POGLUT3: variants seen among roughly 807,000 people sequenced by gnomAD.
The protein encoded by POGLUT3 is protein O-glucosyltransferase 3.
POGLUT3 carries 48 observed loss-of-function variants against 54.3 expected under a neutral mutation model. The observed-to-expected ratio is 0.88, with a 90% CI of 0.70 to 1.12. The LOEUF is 1.12. POGLUT3 is among the 50% of genes most tolerant of loss of function. POGLUT3 has a pLI of 0.00. For synonymous variants in POGLUT3, 218 were observed against 237.4 expected (o/e 0.92, Z 0.75); for missense variants, 629 against 618.7 (o/e 1.02, Z -0.18).
rs1385121469 is a variant in POGLUT3, at chr11:108,477,674, CCTT to C, written c.1328_1330del (p.Glu443del). On this transcript the variant is annotated inframe_deletion, in exon 7 of 8. Coordinates refer to ENST00000323468, the MANE Select transcript of POGLUT3 (RefSeq NM_153705.5). ...TAGTAGGTCCCTAGCCATCAACTGT[CCTT>C]CTTTTGCAATCTTCTTGGCTTCTTC... 7 of 1,613,254 alleles carry C rather than the reference CCTT, an allele frequency of 4.3e-6. No homozygotes were observed. In the Admixed American group the frequency reaches 8.3e-5, roughly 19 times the overall value.
chr11:108,494,167 A>G (rs565522099), intron 1 of POGLUT3, among the ~76,000 whole-genome samples: 1 of 152,350 alleles, frequency 6.6e-6, no homozygotes, highest in African/African-American at 2.4e-5. Flanking sequence ...TCACATACAT[A>G]ATGAGCAGCA....
In POGLUT3 at chr11:108,477,648, G is replaced by A. The variant is rs2093584679; in HGVS notation, c.1357C>T (p.Gln453Ter). The A allele has an allele frequency of 6.2e-7, 1 of 1,612,946 alleles. No homozygotes were observed. Among genetic ancestry groups the A allele is most frequent in the African/African-American group, 1.3e-5 (1 of 74,874 alleles). Residue 453 changes from glutamine (Q) to a stop codon, truncating the protein, a stop_gained, in exon 7 of 8, where the codon CAG becomes TAG. Transcript: ENST00000323468. LOFTEE classifies it high-confidence loss of function. ...EGQLMARDLLQPHRLYCYYYQ... is the reference protein window; with the variant it reads ...EGQLMARDLL ...TAGTAGCAGTAAAGCCTGTGTGGCT[G>A]TAGTAGGTCCCTAGCCATCAACTGT...
chr11:108,484,279 T>A (rs2093598536), intron 3 of POGLUT3, among the ~76,000 whole-genome samples: 1 of 152,142 alleles, frequency 6.6e-6, no homozygotes. Context: ...CAGGGCACAG[T>A]TGACTAGTTG....
chr11:108,482,287 A>G, intron 3 of POGLUT3, 65 bp from the exon 4 acceptor site: 1 of 1,182,044 alleles, frequency 8.5e-7, no homozygotes, highest in Non-Finnish European at 1.2e-6. Context: ...TAAGTACAAC[A>G]GTTCTTTGGT....
chr11:108,477,882 C>T, intron 6 of POGLUT3, 171 bp from the exon 7 acceptor site: 1 of 606,682 alleles, frequency 1.6e-6, no homozygotes, highest in East Asian at 2.8e-5. Flanking sequence ...GACATGGTGG[C>T]TCACACCTGT....
Position 108,474,740 on chromosome 11 carries a change from C to T in POGLUT3, c.*87G>A. The T allele has an allele frequency of 6.8e-7, 1 of 1,471,318 alleles. No homozygotes were observed. Among genetic ancestry groups the T allele is most frequent in the South Asian group, 1.3e-5 (1 of 77,938 alleles). The allele number at this position is 1,471,318 out of a possible 1,614,324, so 91.1% of individuals were successfully genotyped here. On this transcript the variant is annotated 3_prime_UTR_variant, in exon 8 of 8. Coordinates refer to ENST00000323468, the MANE Select transcript of POGLUT3 (RefSeq NM_153705.5). ...ACCGGGAGAACTAGTCCACTTGGTG[C>T]AGTCTTCTATACTGTCCTTCACAGC...
chr11:108,478,603 C>A (rs1399298245), intron 6 of POGLUT3, among the ~76,000 whole-genome samples: 4 of 152,188 alleles, frequency 2.6e-5, no homozygotes, highest in Non-Finnish European at 5.9e-5. Flanking sequence ...CAGAAATAGT[C>A]AGCGTTCCTA....
In POGLUT3 at chr11:108,481,298, T is replaced by TA. The variant is rs2093591904; in HGVS notation, c.979_980insT (p.Gln327LeufsTer37). On this transcript the variant is annotated frameshift_variant, in exon 5 of 8. Coordinates refer to ENST00000323468, the MANE Select transcript of POGLUT3 (RefSeq NM_153705.5). LOFTEE classifies it high-confidence loss of function. ...TAGCTGAGGATTTTCTTTGGACAGCTGTACCAACTGGAGCCTCTCCTCTCG... is the reference window on the plus strand; with the variant it reads ...TAGCTGAGGATTTTCTTTGGACAGCTAGTACCAACTGGAGCCTCTCCTCTCG... The TA allele has an allele frequency of 4.3e-6, 7 of 1,613,352 alleles. No individual in the cohort carries two copies. Among genetic ancestry groups the TA allele is most frequent in the Non-Finnish European group, 5.9e-6 (7 of 1,179,672 alleles).
In POGLUT3 at chr11:108,482,087, G is replaced by T; in HGVS notation, c.820C>A (p.Pro274Thr). The part of the protein sequence containing the change: ...GSLDSRDVVL[P>T]TYDITHSMLE... ...ATGGAGTGGGTGATGTCATACGTTGGAAGGACAACATCTCTTGAATCCAGA... is the reference window on the plus strand; with the variant it reads ...ATGGAGTGGGTGATGTCATACGTTGTAAGGACAACATCTCTTGAATCCAGA... The change falls in exon 4 of 8, where the codon CCA becomes ACA. Residue 274 changes from proline to threonine, a missense_variant. Physicochemically the swap from Pro to Thr is conservative, Grantham distance 38 (BLOSUM62 -1). Transcript: ENST00000323468. 6.2e-7 allele frequency: 1 copy of T among 1,614,132 alleles called. No individual in the cohort carries two copies. The highest frequency in any genetic ancestry group is 8.5e-7 in the Non-Finnish European group (1 of 1,180,014).
At chr11:108,477,402 A>C (rs978350348) in intron 7 of POGLUT3, among the ~76,000 whole-genome samples, 1 of 152,130 alleles carries the variant, frequency 6.6e-6, no homozygotes, top group Non-Finnish European at 1.5e-5. Flanking sequence ...TCATCTCAAA[A>C]CAAACAAACA....
chr11:108,482,473 G>C (rs2093594719), intron 3 of POGLUT3, among the ~76,000 whole-genome samples: 1 of 152,132 alleles, frequency 6.6e-6, no homozygotes, highest in Non-Finnish European at 1.5e-5. Context: ...AGTGTTTGAG[G>C]CTGGGCGTGG....
intron 1 of POGLUT3, among the ~76,000 whole-genome samples, chr11:108,497,666 G>C (rs984913723): frequency 4.6e-5 from 7 of 152,194 alleles, no homozygotes; most frequent in Non-Finnish European, 1.0e-4. Flanking sequence ...AACTAAAAAG[G>C]AAACAAAAAA....
At chr11:108,496,406 A>C (rs2135868585) in intron 1 of POGLUT3, among the ~76,000 whole-genome samples, 1 of 152,328 alleles carries the variant, frequency 6.6e-6, no homozygotes, top group South Asian at 2.1e-4. Context: ...TTGAAATTTC[A>C]GTGGCCATAA....
In POGLUT3 at chr11:108,479,435, G is replaced by T; in HGVS notation, c.1159C>A (p.Leu387Met). ...TGCTTTAAAACCAGACTGTCGCCCA[G>T]CATGAGATATGGATATCTGTAAGCA... ...VAAYRYPYLM[L>M]GDSLVLKQDS... The change falls in exon 6 of 8, where the codon CTG becomes ATG. Residue 387 changes from leucine (L) to methionine (M), a missense_variant. Leu to Met is a conservative substitution (Grantham distance 15). Transcript: ENST00000323468. The T allele has an allele frequency of 6.2e-7, 1 of 1,613,148 alleles. No individual in the cohort carries two copies. Among genetic ancestry groups the T allele is most frequent in the Non-Finnish European group, 8.5e-7 (1 of 1,179,840 alleles).
At position 108,479,495 on chromosome 11, in the gene POGLUT3, A is replaced by G. The variant is rs1363416197; in HGVS notation, c.1099T>C (p.Tyr367His). 5.1e-6 allele frequency: 8 copies of G among 1,578,680 alleles called. No individual in the cohort carries two copies. Among genetic ancestry groups the G allele is most frequent in the Non-Finnish European group, 6.0e-6 (7 of 1,167,936 alleles). Residue 367 changes from tyrosine to histidine, a missense_variant and splice_region_variant, in exon 6 of 8, where the codon TAC (tyrosine) becomes CAC (histidine). Coordinates refer to ENST00000323468, the MANE Select transcript of POGLUT3 (RefSeq NM_153705.5). ...KLMGFFDFFK[Y>H]KYQVNVDGTV... is the part of the protein sequence containing the mutation. ...CCATCCACATTTACTTGATACTTGT[A>G]CTGGAAGATGAAAAACAAACATAAA...
intron 7 of POGLUT3, among the ~76,000 whole-genome samples, chr11:108,477,057 T>C (rs2093583279): frequency 6.6e-6 from 1 of 152,098 alleles, no homozygotes; most frequent in Non-Finnish European, 1.5e-5. Flanking sequence ...CTAATCTATA[T>C]TTGTGAGGGC....
chr11:108,482,306 A>G, intron 3 of POGLUT3, 84 bp from the exon 4 acceptor site: 1 of 962,708 alleles, frequency 1.0e-6, no homozygotes, highest in Non-Finnish European at 1.6e-6. Context: ...GTTTTCTTAC[A>G]TATTTTTGAC....
In POGLUT3 at chr11:108,477,652, T is replaced by A. The variant is rs747909024; in HGVS notation, c.1353A>T (p.Leu451=). 25 of 1,613,350 alleles carry A rather than the reference T, an allele frequency of 1.5e-5. No homozygotes were observed. The South Asian group carries it at 2.6e-4, about 17-fold the overall frequency. The part of the protein sequence containing the change: ...AKEGQLMARD[L]LQPHRLYCYY... ...AGCAGTAAAGCCTGTGTGGCTGTAG[T>A]AGGTCCCTAGCCATCAACTGTCCTT... The change falls in exon 7 of 8, where the codon CTA becomes CTT. Residue 451 remains leucine (L), a synonymous_variant. Coordinates refer to ENST00000323468, the MANE Select transcript of POGLUT3 (RefSeq NM_153705.5).
intron 6 of POGLUT3, among the ~76,000 whole-genome samples, chr11:108,478,748 T>C (rs2093587016): frequency 6.6e-6 from 1 of 152,240 alleles, no homozygotes; most frequent in Non-Finnish European, 1.5e-5. Flanking sequence ...TAACCATATA[T>C]TGTTTCTTAG....
Sources: allele counts gnomAD v4.1 joint callset (sites outside exome capture counted in the v4.1 genomes callset), GRCh38; gene constraint gnomAD v4.1.1; transcripts MANE v1.5; gene names NCBI Gene and HGNC (gene_info 2026-07-23, HGNC 2026-07-21).